Variants in ZFPM1 observed in about 807,000 individuals in gnomAD.
The protein encoded by ZFPM1 is zinc finger protein, FOG family member 1, also known as zinc finger protein ZFPM1.
In ZFPM1, 28 loss-of-function variants were observed where a neutral mutation model predicts 46.3. That is an observed-to-expected ratio of 0.60 (90% CI 0.45 to 0.83). ZFPM1 has a LOEUF of 0.83. Among genes scored for constraint, ZFPM1 ranks in the 40% least tolerant of loss-of-function variants. ZFPM1 has a pLI of 0.00. For synonymous variants in ZFPM1, 957 were observed against 675.9 expected (o/e 1.42, Z -6.45); for missense variants, 1,878 against 1,432.4 (o/e 1.31, Z -5.02).
chr16:88,458,074 C>T (rs934366871), intron 1 of ZFPM1, among the ~76,000 whole-genome samples: 3 of 152,212 alleles, frequency 2.0e-5, no homozygotes, highest in Admixed American at 2.0e-4. Context: ...CACTATTTTA[C>T]ATCTGGGGAA....
intron 4 of ZFPM1, 134 bp from the exon 5 acceptor site, chr16:88,526,680 T>A (rs977212032): frequency 2.1e-6 from 2 of 955,748 alleles, no homozygotes; most frequent in African/African-American, 3.2e-5. Context: ...CTTGGGCCAA[T>A]GACTGTCCAC....
Position 88,488,759 on chromosome 16 carries a change from C to T in ZFPM1, c.146-272C>T, listed in dbSNP as rs1408828283. Among the ~76,000 whole-genome samples the T allele has an allele frequency of 2.6e-5, 4 of 152,232 alleles. No homozygotes were observed. The East Asian group carries it at 7.7e-4, about 29-fold the overall frequency. The stretch of plus-strand genomic sequence containing the variant: ...CATGTGCCTGCTGGCCGGGACAGGC[C>T]AGTTGGCCATCCTGTACCCTGATTA... On this transcript the variant is annotated intron_variant, in intron 2 of 9. Coordinates refer to ENST00000319555, the MANE Select transcript of ZFPM1 (RefSeq NM_153813.3).
In ZFPM1 at chr16:88,535,671, C is replaced by T. The variant is rs537653308; in HGVS notation, c.*692C>T. 5.3e-5 allele frequency: 8 copies of T among 152,320 alleles called. No homozygotes were observed. Among genetic ancestry groups the T allele is most frequent in the African/African-American group, 1.9e-4 (8 of 41,454 alleles). 9.4% of individuals were successfully genotyped at this position (152,320 alleles called of 1,614,324 possible). On this transcript the variant is annotated 3_prime_UTR_variant, in exon 10 of 10. Coordinates refer to ENST00000319555, the MANE Select transcript of ZFPM1 (RefSeq NM_153813.3). Reference sequence around the variant, plus strand: ...CCGAGGCCGAAGCATTCCCTGGCCTCGAGGGGGTCCTGATGCTCACTGGTG... The same window carrying T: ...CCGAGGCCGAAGCATTCCCTGGCCTTGAGGGGGTCCTGATGCTCACTGGTG...
chr16:88,523,523 G>C (rs1034962085), intron 4 of ZFPM1, among the ~76,000 whole-genome samples: 2 of 152,112 alleles, frequency 1.3e-5, no homozygotes, highest in Non-Finnish European at 2.9e-5. Context: ...GCAAGACCCT[G>C]GTTCAGGGCT....
At chr16:88,473,606 A>G (rs745459426) in intron 1 of ZFPM1, among the ~76,000 whole-genome samples, 1 of 151,960 alleles carries the variant, frequency 6.6e-6, no homozygotes, top group Admixed American at 6.5e-5. Context: ...GCCTCCACCC[A>G]TCTGACGCAG....
At position 88,534,514 on chromosome 16, in the gene ZFPM1, C is replaced by T. The variant is rs557737916; in HGVS notation, c.2556C>T (p.Pro852=). 4 of 1,443,776 alleles carry T rather than the reference C, an allele frequency of 2.8e-6. No homozygotes were observed. The Admixed American group carries it at 7.5e-5, about 27-fold the overall frequency. The allele number at this position is 1,443,776 out of a possible 1,614,324, so 89.4% of individuals were successfully genotyped here. ...CACCGCCCGGCGCGCTCGGCCTGCC[C>T]GCCGCCGCCTGCCCCTACTGCCCCC... is the stretch of plus-strand genomic sequence containing the variant. The part of the protein sequence containing the change: ...AAPPPGALGL[P]AAACPYCPPN... The change falls in exon 10 of 10, where the codon CCC becomes CCT. Residue 852 remains proline, a synonymous_variant. Transcript: ENST00000319555.
chr16:88,508,034 C>T (rs992975234), intron 3 of ZFPM1, among the ~76,000 whole-genome samples: 2 of 152,206 alleles, frequency 1.3e-5, no homozygotes, highest in African/African-American at 4.8e-5. Context: ...CGGTGGCTCA[C>T]ACCTGTAATC....
intron 1 of ZFPM1, among the ~76,000 whole-genome samples, chr16:88,483,563 TTCTG>T (rs1909061509): frequency 6.6e-6 from 1 of 152,164 alleles, no homozygotes; most frequent in African/African-American, 2.4e-5. Context: ...CCCCGTGTTT[TTCTG>T]TCTTTCTCTC....
chr16:88,533,543 T>C lies in ZFPM1; in HGVS notation c.1585T>C (p.Tyr529His). Residue 529 changes from tyrosine to histidine, a missense_variant, in exon 10 of 10, where the codon TAC (tyrosine) becomes CAC (histidine). Transcript: ENST00000319555. ...GGCCGGGGCCCTGTTCCTTCCGCAGTACGTGTTCGGGCCCGACGCGGCGCC... is the reference window on the plus strand; with the variant it reads ...GGCCGGGGCCCTGTTCCTTCCGCAGCACGTGTTCGGGCCCGACGCGGCGCC... ...GLAGALFLPQ[Y>H]VFGPDAAPPA... 6.8e-7 allele frequency: 1 copy of C among 1,470,828 alleles called. No homozygotes were observed. Among genetic ancestry groups the C allele is most frequent in the Non-Finnish European group, 9.0e-7 (1 of 1,113,076 alleles). The allele number at this position is 1,470,828 out of a possible 1,614,324, so 91.1% of individuals were successfully genotyped here. A position where few individuals can be genotyped will look rare whatever the true frequency, so the allele number is the denominator to read the frequency against.
chr16:88,452,827 G>A (rs1907334647), upstream of ZFPM1, among the ~76,000 whole-genome samples: 1 of 152,230 alleles, frequency 6.6e-6, no homozygotes, highest in Admixed American at 6.5e-5. Context: ...CGAGAGGCGG[G>A]GCGCAGGATG....
rs1215901156 is a variant in ZFPM1 at position 88,536,152 on chromosome 16, C to T, written c.*1173C>T. 6.6e-6 allele frequency: 1 copy of T among 152,028 alleles called. No homozygotes were observed. Among genetic ancestry groups the T allele is most frequent in the Non-Finnish European group, 1.5e-5 (1 of 68,008 alleles). The allele number at this position is 152,028 out of a possible 1,614,324, so 9.4% of individuals were successfully genotyped here. ...TGTGTTTTTTGTAGAAATGGTGTCTCCCTATGTTGCCCAGGCTGGGCAACC... is the reference window on the plus strand; with the variant it reads ...TGTGTTTTTTGTAGAAATGGTGTCTTCCTATGTTGCCCAGGCTGGGCAACC... On this transcript the variant is annotated 3_prime_UTR_variant, in exon 10 of 10. Transcript: ENST00000319555.
At chr16:88,483,618 T>C (rs1909063604) in intron 1 of ZFPM1, among the ~76,000 whole-genome samples, 1 of 152,176 alleles carries the variant, frequency 6.6e-6, no homozygotes, top group Non-Finnish European at 1.5e-5. Flanking sequence ...CTTGCCATTG[T>C]TTTCGGCCGG....
intron 3 of ZFPM1, among the ~76,000 whole-genome samples, chr16:88,495,824 C>CT (rs1909901094): frequency 2.0e-5 from 3 of 152,138 alleles, no homozygotes; most frequent in Non-Finnish European, 4.4e-5. Context: ...CGTCTCGGGG[C>CT]CTAGAGCTTT....
intron 4 of ZFPM1, among the ~76,000 whole-genome samples, chr16:88,523,006 G>C (rs1170585234): frequency 6.6e-6 from 1 of 152,174 alleles, no homozygotes; most frequent in African/African-American, 2.4e-5. Flanking sequence ...AGCAGTTCAA[G>C]ACCAGTCTGC....
Position 88,490,596 on chromosome 16 carries a change from C to T in ZFPM1, c.268+1443C>T, listed in dbSNP as rs371247421. On this transcript the variant is annotated intron_variant, in intron 3 of 9. Coordinates refer to ENST00000319555, the MANE Select transcript of ZFPM1 (RefSeq NM_153813.3). Reference sequence around the variant, plus strand: ...GTCCCAGCAGCAAGGGGAGAGTGCACGATGGGTCCATGTGCCCGCCGGTGC... The same window carrying T: ...GTCCCAGCAGCAAGGGGAGAGTGCATGATGGGTCCATGTGCCCGCCGGTGC... Among the ~76,000 whole-genome samples the T allele has an allele frequency of 9.3e-4, 142 of 152,288 alleles. 1 individual carries two copies. The South Asian group carries it at 0.013, about 14-fold the overall frequency.
intron 1 of ZFPM1, among the ~76,000 whole-genome samples, chr16:88,473,052 C>G (rs1412372632): frequency 6.6e-6 from 1 of 152,266 alleles, no homozygotes; most frequent in African/African-American, 2.4e-5. Context: ...CTGCCGTCCC[C>G]CGTGGGACCG....
intron 3 of ZFPM1, among the ~76,000 whole-genome samples, chr16:88,489,616 G>A (rs188198264): frequency 1.2e-4 from 19 of 152,312 alleles, no homozygotes; most frequent in African/African-American, 3.4e-4. Context: ...ACTCCAGAGC[G>A]GCTGCAGCCT....
intron 3 of ZFPM1, among the ~76,000 whole-genome samples, chr16:88,502,325 TCCCACCCCGGCCCCCCG>T (rs952419916): frequency 6.6e-5 from 10 of 151,622 alleles, no homozygotes; most frequent in African/African-American, 2.4e-4. Context: ...TGAGGGTGCC[TCCCACCCCGGCCCCCCG>T]CCCTCTCCCG....
chr16:88,528,378 G>A (rs1912516525), intron 6 of ZFPM1, 140 bp downstream of exon 6: 2 of 1,006,812 alleles, frequency 2.0e-6, no homozygotes, highest in Non-Finnish European at 2.8e-6. Context: ...AGGGAAGGAG[G>A]TGACGTGGGT....
Sources: allele counts gnomAD v4.1 joint callset (sites outside exome capture counted in the v4.1 genomes callset), GRCh38; gene constraint gnomAD v4.1.1; transcripts MANE v1.5; gene names NCBI Gene and HGNC (gene_info 2026-07-23, HGNC 2026-07-21).